Variants in OPCML observed in about 807,000 individuals in gnomAD.
OPCML encodes the protein opioid-binding protein/cell adhesion molecule.
A neutral mutation model predicts 37.8 loss-of-function variants in OPCML; 13 were observed. The observed-to-expected ratio is 0.34, with a 90% CI of 0.22 to 0.55. The LOEUF is 0.55. Ranked by LOEUF, OPCML falls within the 20% of genes least tolerant of loss-of-function variation. The probability of loss-of-function intolerance (pLI) is 0.91; values close to 1 mark genes in which losing one functional copy is unlikely to be tolerated. For synonymous variants in OPCML, 176 were observed against 168.8 expected (o/e 1.04, Z -0.33); for missense variants, 341 against 435.6 (o/e 0.78, Z 1.93).
At chr11:132,965,515 G>A (rs1946194145) in intron 1 of OPCML, among the ~76,000 whole-genome samples, 1 of 151,942 alleles carries the variant, frequency 6.6e-6, no homozygotes, top group African/African-American at 2.4e-5. Flanking sequence ...TGTCGTTGTT[G>A]TTGTTGTTTG....
At chr11:132,552,300 C>A (rs1286729033) in intron 3 of OPCML, among the ~76,000 whole-genome samples, 1 of 152,162 alleles carries the variant, frequency 6.6e-6, no homozygotes, top group Non-Finnish European at 1.5e-5. Flanking sequence ...TTACATGAGA[C>A]CTCTCCCCCA....
chr11:133,499,297 T>C (rs1193376127), intron 1 of OPCML, among the ~76,000 whole-genome samples: 3 of 152,206 alleles, frequency 2.0e-5, no homozygotes, highest in African/African-American at 2.4e-5. Context: ...CAAGTTTCCT[T>C]ACACAACATC....
At chr11:133,242,063 T>C (rs1940752570) in intron 1 of OPCML, among the ~76,000 whole-genome samples, 1 of 152,190 alleles carries the variant, frequency 6.6e-6, no homozygotes. Context: ...GTTTATGACA[T>C]ATGGCAGCTA....
chr11:132,957,348 G>T (rs1346955761), intron 1 of OPCML, among the ~76,000 whole-genome samples: 2 of 152,112 alleles, frequency 1.3e-5, no homozygotes, highest in African/African-American at 4.8e-5. Context: ...AAAGAAAGGG[G>T]CAGGGGCATA....
At chr11:133,054,728 A>G (rs897090969) in intron 1 of OPCML, among the ~76,000 whole-genome samples, 3 of 152,232 alleles carry the variant, frequency 2.0e-5, no homozygotes, top group African/African-American at 7.2e-5. Flanking sequence ...TTCTCAGCCT[A>G]GTGTGGAGAC....
intron 3 of OPCML, among the ~76,000 whole-genome samples, chr11:132,568,079 CA>C (rs2096428559): frequency 6.6e-6 from 1 of 150,684 alleles, no homozygotes; most frequent in Admixed American, 6.6e-5. Context: ...TTTGATTAGT[CA>C]AGGTGAAAAA....
chr11:132,860,360 T>G (rs1942252238), intron 2 of OPCML: 1 of 152,214 alleles, frequency 6.6e-6, no homozygotes, highest in African/African-American at 2.4e-5. Flanking sequence ...CTGATTCATA[T>G]CCCGCTTGCC....
intron 3 of OPCML, among the ~76,000 whole-genome samples, chr11:132,582,936 C>T (rs1307441608): frequency 6.9e-6 from 1 of 145,676 alleles, no homozygotes; most frequent in Non-Finnish European, 1.5e-5. Context: ...GCCTCGAACT[C>T]CCAGGCTCAA....
At chr11:132,977,326 G>C (rs1224115704) in intron 1 of OPCML, among the ~76,000 whole-genome samples, 1 of 152,126 alleles carries the variant, frequency 6.6e-6, no homozygotes, top group African/African-American at 2.4e-5. Context: ...CCTAAGGAAG[G>C]TCTACCTCTC....
At chr11:133,375,128 C>T (rs7933867) in intron 1 of OPCML, among the ~76,000 whole-genome samples, 3 of 152,084 alleles carry the variant, frequency 2.0e-5, no homozygotes, top group East Asian at 1.9e-4. Context: ...TGCTCCCCAC[C>T]GCATGATCCA....
At chr11:133,058,001 A>G (rs1030546281) in intron 1 of OPCML, among the ~76,000 whole-genome samples, 2 of 152,240 alleles carry the variant, frequency 1.3e-5, no homozygotes, top group African/African-American at 2.4e-5. Flanking sequence ...GCACTAGACT[A>G]GGAATACCTC....
intron 1 of OPCML, among the ~76,000 whole-genome samples, chr11:133,145,018 A>G (rs771053376): frequency 5.9e-5 from 9 of 152,224 alleles, no homozygotes; most frequent in Non-Finnish European, 1.2e-4. Flanking sequence ...CAGTGGCCAG[A>G]TGGGAGCTGA....
intron 4 of OPCML, among the ~76,000 whole-genome samples, chr11:132,444,524 G>A (rs2096047923): frequency 6.6e-6 from 1 of 152,134 alleles, no homozygotes; most frequent in Non-Finnish European, 1.5e-5. Flanking sequence ...TGTCCAAGTT[G>A]CAAGCACCCT....
At chr11:132,695,711 C>T (rs924640044) in intron 2 of OPCML, among the ~76,000 whole-genome samples, 1 of 152,160 alleles carries the variant, frequency 6.6e-6, no homozygotes, top group Non-Finnish European at 1.5e-5. Context: ...TTTCTTCTTC[C>T]TGACACCCAC....
chr11:132,932,953 A>C (rs1472830), intron 2 of OPCML, among the ~76,000 whole-genome samples: 31,521 of 151,846 alleles, frequency 0.21, 3,574 homozygotes, highest in South Asian at 0.31. Flanking sequence ...GTTGGGATTC[A>C]AAATGAGCCT....
chr11:133,281,492 T>C (rs189026753), intron 1 of OPCML, among the ~76,000 whole-genome samples: 77 of 152,304 alleles, frequency 5.1e-4, no homozygotes, highest in African/African-American at 1.8e-3. Context: ...TGCAGAACCA[T>C]GAACCAAGTA....
At chr11:133,062,283 C>T (rs1287274761) in intron 1 of OPCML, among the ~76,000 whole-genome samples, 3 of 152,148 alleles carry the variant, frequency 2.0e-5, no homozygotes, top group Admixed American at 1.3e-4. Context: ...TGGACAGACC[C>T]GAGTGAAAGG....
intron 1 of OPCML, among the ~76,000 whole-genome samples, chr11:133,516,849 C>T (rs1565678737): frequency 2.0e-5 from 3 of 152,166 alleles, no homozygotes; most frequent in African/African-American, 7.2e-5. Flanking sequence ...ATATAAACAA[C>T]AGAATATTCT....
rs564025375 is a variant in OPCML, at chr11:132,803,891, G to A, written c.146+139035C>T. Reference sequence around the variant, plus strand: ...TGTAAGGCATTCAAAACAATGCTTGGCATATAGTAAGCCATGCTCACTATT... The same window carrying A: ...TGTAAGGCATTCAAAACAATGCTTGACATATAGTAAGCCATGCTCACTATT... On this transcript the variant is annotated intron_variant, in intron 2 of 7. Coordinates refer to ENST00000524381, the MANE Select transcript of OPCML (RefSeq NM_001012393.5). Among the ~76,000 whole-genome samples the A allele has an allele frequency of 1.0e-3, 155 of 152,244 alleles. 1 individual carries two copies. The Middle Eastern group carries it at 0.02, about 20-fold the overall frequency.
Sources: allele counts gnomAD v4.1 joint callset (sites outside exome capture counted in the v4.1 genomes callset), GRCh38; gene constraint gnomAD v4.1.1; transcripts MANE v1.5; gene names NCBI Gene and HGNC (gene_info 2026-07-23, HGNC 2026-07-21).